The following RPGRIP1L variants were observed in gnomAD, a reference collection of about 807,000 sequenced individuals.
The protein encoded by RPGRIP1L is RPGRIP1 like.
In RPGRIP1L, 131 loss-of-function variants were observed where a neutral mutation model predicts 160.4. The ratio of observed to expected loss-of-function variants is 0.82; its 90% confidence interval spans 0.71 to 0.94. The LOEUF (loss-of-function observed/expected upper bound fraction) is 0.94. Ranked by LOEUF, RPGRIP1L falls within the 40% of genes least tolerant of loss-of-function variation. The pLI, the probability that RPGRIP1L is intolerant of heterozygous loss-of-function variation, is 0.00. For synonymous variants in RPGRIP1L, 510 were observed against 515.8 expected (o/e 0.99, Z 0.15); for missense variants, 1,522 against 1,535.8 (o/e 0.99, Z 0.15).
At chr16:53,685,249 T>C (rs910910532) in intron 6 of RPGRIP1L, among the ~76,000 whole-genome samples, 6 of 152,322 alleles carry the variant, frequency 3.9e-5, no homozygotes, top group Non-Finnish European at 8.8e-5. Flanking sequence ...ACTTTTACAC[T>C]GTTGGTGGGA....
At chr16:53,638,464 T>A in intron 19 of RPGRIP1L, 53 bp from the exon 20 acceptor site, 1 of 983,144 alleles carries the variant, frequency 1.0e-6, no homozygotes, top group South Asian at 1.3e-5. Flanking sequence ...TATTACTAAA[T>A]CCCAAATCAT....
At chr16:53,627,133 T>G (rs753140597) in intron 22 of RPGRIP1L, among the ~76,000 whole-genome samples, 1 of 152,214 alleles carries the variant, frequency 6.6e-6, no homozygotes, top group Non-Finnish European at 1.5e-5. Flanking sequence ...TGCTGAATTC[T>G]TCCTCTGGTT....
In RPGRIP1L at chr16:53,629,134, G is replaced by A. The variant is rs545305300; in HGVS notation, c.3295-6778C>T. On this transcript the variant is annotated intron_variant, in intron 22 of 26. Coordinates refer to ENST00000647211, the MANE Select transcript of RPGRIP1L (RefSeq NM_015272.5). ...TCTCCTTTCACCATCACTGAGAACA[G>A]ATGTTGCAGTGCAGTGGTTCTTGAT... Among the ~76,000 whole-genome samples, 3 of 152,256 alleles carry A rather than the reference G, an allele frequency of 2.0e-5. No homozygotes were observed. The South Asian group carries it at 6.2e-4, about 32-fold the overall frequency.
chr16:53,656,605 AAAT>A lies in RPGRIP1L; in HGVS notation c.1582-19_1582-17del. 6.5e-7 allele frequency: 1 copy of A among 1,535,174 alleles called. No homozygotes were observed. Among genetic ancestry groups the A allele is most frequent in the Non-Finnish European group, 9.0e-7 (1 of 1,108,090 alleles). On this transcript the variant is annotated splice_polypyrimidine_tract_variant and intron_variant, in intron 13 of 26. Transcript: ENST00000647211. ...CAACCTCCATCTACAAAATAAGGGA[AAAT>A]AAGTTTTAATACTTATGATTAGTTC... is the stretch of plus-strand genomic sequence containing the variant.
intron 8 of RPGRIP1L, among the ~76,000 whole-genome samples, chr16:53,672,364 A>C (rs1968805796): frequency 6.6e-6 from 1 of 152,152 alleles, no homozygotes; most frequent in African/African-American, 2.4e-5. Flanking sequence ...CAGGCATCTT[A>C]TTTCACTTCC....
chr16:53,681,484 T>A (rs900106595), intron 6 of RPGRIP1L, among the ~76,000 whole-genome samples: 1 of 152,172 alleles, frequency 6.6e-6, no homozygotes, highest in African/African-American at 2.4e-5. Context: ...ATTTTTATAT[T>A]GTTTAAATTT....
At chr16:53,614,254 G>A (rs1453053993) in intron 24 of RPGRIP1L, among the ~76,000 whole-genome samples, 1 of 152,218 alleles carries the variant, frequency 6.6e-6, no homozygotes, top group Non-Finnish European at 1.5e-5. Context: ...AGTGTACCAA[G>A]TTGGAACTAT....
intron 9 of RPGRIP1L, among the ~76,000 whole-genome samples, chr16:53,666,231 A>G (rs954978419): frequency 3.3e-5 from 5 of 152,128 alleles, no homozygotes; most frequent in Admixed American, 3.3e-4. Flanking sequence ...CACATTTTGA[A>G]TATTTTACTG....
At chr16:53,664,746 T>C (rs1968089269) in intron 10 of RPGRIP1L, 124 bp downstream of exon 10, 1 of 1,073,688 alleles carries the variant, frequency 9.3e-7, no homozygotes, top group African/African-American at 1.5e-5. Context: ...TGGATGACTG[T>C]GTCTGTCCCT....
At chr16:53,604,158 C>A (rs760129216) in intron 26 of RPGRIP1L, among the ~76,000 whole-genome samples, 1 of 152,168 alleles carries the variant, frequency 6.6e-6, no homozygotes. Flanking sequence ...CCAACTGCCA[C>A]GTGGTTAGAA....
rs1191986614 is a variant in RPGRIP1L, at chr16:53,618,314, T to C, written c.3616+711A>G. Among the ~76,000 whole-genome samples the C allele has an allele frequency of 2.0e-5, 3 of 152,236 alleles. No individual in the cohort carries two copies. In the East Asian group the frequency reaches 5.8e-4, roughly 29 times the overall value. On this transcript the variant is annotated intron_variant, in intron 24 of 26. Transcript: ENST00000647211. ...TACACGTATTGTAAAAACATCCATG[T>C]GATGACATTGATCAGAAAGGTAGAC...
chr16:53,610,785 G>A (rs906578588), intron 25 of RPGRIP1L, among the ~76,000 whole-genome samples, 182 bp downstream of exon 25: 7 of 152,134 alleles, frequency 4.6e-5, no homozygotes, highest in African/African-American at 1.7e-4. Context: ...TAGTAGGAAG[G>A]ACCATTAAAT....
At chr16:53,611,280 A>T (rs1444160391) in intron 24 of RPGRIP1L, among the ~76,000 whole-genome samples, 2 of 152,258 alleles carry the variant, frequency 1.3e-5, no homozygotes, top group Non-Finnish European at 1.5e-5. Flanking sequence ...CAGAAAAGAT[A>T]CAAGCAACAT....
At chr16:53,625,420 G>A (rs1188256164) in intron 22 of RPGRIP1L, among the ~76,000 whole-genome samples, 59 of 147,510 alleles carry the variant, frequency 4.0e-4, no homozygotes, top group Middle Eastern at 7.3e-3. Context: ...CGGCCGCCCC[G>A]TCTGGGGGGT....
intron 25 of RPGRIP1L, among the ~76,000 whole-genome samples, chr16:53,605,850 T>C (rs1197037573): frequency 6.6e-6 from 1 of 152,220 alleles, no homozygotes; most frequent in Non-Finnish European, 1.5e-5. Flanking sequence ...TTAACATTTA[T>C]CTCTATAATC....
chr16:53,614,682 C>T (rs1009266221), intron 24 of RPGRIP1L, among the ~76,000 whole-genome samples: 1 of 152,138 alleles, frequency 6.6e-6, no homozygotes, highest in Non-Finnish European at 1.5e-5. Context: ...AAAAAACTCA[C>T]AATTTCAAAA....
At chr16:53,701,350 T>C (rs185918137) in intron 1 of RPGRIP1L, among the ~76,000 whole-genome samples, 3 of 151,884 alleles carry the variant, frequency 2.0e-5, no homozygotes, top group African/African-American at 7.3e-5. Flanking sequence ...TGTGTTTTTT[T>C]GTGTGTGTGT....
chr16:53,680,148 C>T (rs1272885555), intron 6 of RPGRIP1L, among the ~76,000 whole-genome samples: 1 of 151,986 alleles, frequency 6.6e-6, no homozygotes, highest in Non-Finnish European at 1.5e-5. Flanking sequence ...TATGTTAAGT[C>T]ACTATCAAGG....
chr16:53,672,676 C>T (rs1340566091), intron 8 of RPGRIP1L, among the ~76,000 whole-genome samples, 194 bp downstream of exon 8: 1 of 152,056 alleles, frequency 6.6e-6, no homozygotes, highest in Non-Finnish European at 1.5e-5. Flanking sequence ...TGGATCTTGC[C>T]ACATTTGCAA....
Sources: gnomAD v4.1 joint callset for allele counts (sites outside exome capture counted in the v4.1 genomes callset) on GRCh38, gnomAD v4.1.1 for gene constraint, MANE v1.5 for transcripts, NCBI Gene and HGNC (gene_info 2026-07-23, HGNC 2026-07-21) for gene names.